LMBR1: variants seen among roughly 807,000 people sequenced by gnomAD.
The protein encoded by LMBR1 is limb development membrane protein 1.
A neutral mutation model predicts 73.9 loss-of-function variants in LMBR1; 52 were observed. The ratio of observed to expected loss-of-function variants is 0.70; its 90% confidence interval spans 0.56 to 0.89. The LOEUF (loss-of-function observed/expected upper bound fraction) is 0.89. Ranked by LOEUF, LMBR1 falls within the 40% of genes least tolerant of loss-of-function variation. The pLI, the probability that LMBR1 is intolerant of heterozygous loss-of-function variation, is 0.00. For missense variants in LMBR1, 539 were observed against 579.8 expected (o/e 0.93, Z 0.72); for synonymous variants, 215 against 209.4 (o/e 1.03, Z -0.23).
At chr7:156,857,395 T>C (rs1013101798) in intron 1 of LMBR1, among the ~76,000 whole-genome samples, 1 of 152,114 alleles carries the variant, frequency 6.6e-6, no homozygotes, top group Non-Finnish European at 1.5e-5. Flanking sequence ...AGAACAGCAA[T>C]ACATAGTAAT....
chr7:156,754,417 T>G (rs1391431954), intron 9 of LMBR1, among the ~76,000 whole-genome samples: 1 of 152,162 alleles, frequency 6.6e-6, no homozygotes, highest in Non-Finnish European at 1.5e-5. Context: ...GCTGTCATGT[T>G]TTTTTGCATT....
At chr7:156,882,012 A>G (rs1389599529) in intron 1 of LMBR1, among the ~76,000 whole-genome samples, 1 of 152,236 alleles carries the variant, frequency 6.6e-6, no homozygotes, top group African/African-American at 2.4e-5. Context: ...TCTCAAAGAG[A>G]TATTAGCACT....
chr7:156,856,287 T>C (rs1461857739), intron 1 of LMBR1, among the ~76,000 whole-genome samples: 2 of 152,206 alleles, frequency 1.3e-5, no homozygotes, highest in Non-Finnish European at 2.9e-5. Flanking sequence ...TTGTTGCCAA[T>C]AGACTTAATT....
chr7:156,757,468 T>C (rs1563289482), intron 8 of LMBR1, among the ~76,000 whole-genome samples: 2 of 152,158 alleles, frequency 1.3e-5, no homozygotes, highest in Admixed American at 1.3e-4. Context: ...TACTAATAAT[T>C]TACCAATTGT....
chr7:156,776,618 C>G (rs754032922), intron 5 of LMBR1, among the ~76,000 whole-genome samples: 2 of 152,144 alleles, frequency 1.3e-5, no homozygotes, highest in Non-Finnish European at 2.9e-5. Flanking sequence ...ATCCTCAGAA[C>G]CTTCACTCCC....
chr7:156,739,814 A>G (rs985573746), intron 9 of LMBR1, among the ~76,000 whole-genome samples: 3 of 152,136 alleles, frequency 2.0e-5, no homozygotes, highest in African/African-American at 7.2e-5. Context: ...ACTACAATAA[A>G]TACTTAACTC....
intron 4 of LMBR1, among the ~76,000 whole-genome samples, chr7:156,820,755 G>A (rs757810120): frequency 6.8e-4 from 103 of 152,282 alleles, no homozygotes; most frequent in South Asian, 2.3e-3. Flanking sequence ...GGTTTACTGA[G>A]CGGCCTGAAA....
intron 9 of LMBR1, among the ~76,000 whole-genome samples, chr7:156,743,968 G>C (rs555613243): frequency 1.3e-5 from 2 of 152,262 alleles, no homozygotes; most frequent in African/African-American, 4.8e-5. Context: ...TTTCAATATG[G>C]AAGTTAGAAT....
At chr7:156,756,946 A>T (rs548571645) in intron 8 of LMBR1, among the ~76,000 whole-genome samples, 2 of 152,110 alleles carry the variant, frequency 1.3e-5, no homozygotes, top group African/African-American at 4.8e-5. Context: ...CCTCCCTAGT[A>T]GCTGGAACTA....
At chr7:156,768,210 C>T (rs541118346) in intron 5 of LMBR1, among the ~76,000 whole-genome samples, 1 of 151,978 alleles carries the variant, frequency 6.6e-6, no homozygotes, top group South Asian at 2.1e-4. Context: ...AAGCCCGTCT[C>T]TACTAAAAAC....
chr7:156,810,581 TG>T (rs1475436557), intron 4 of LMBR1, among the ~76,000 whole-genome samples: 1 of 149,070 alleles, frequency 6.7e-6, no homozygotes, highest in African/African-American at 2.5e-5. Context: ...TTAGTAAAAA[TG>T]GTGTTTCATC....
chr7:156,803,450 A>T (rs549278455), intron 4 of LMBR1, among the ~76,000 whole-genome samples: 84 of 152,286 alleles, frequency 5.5e-4, no homozygotes, highest in African/African-American at 1.9e-3. Context: ...AACCACAATG[A>T]GACACCATCT....
At chr7:156,889,652 G>A (rs150025942) in intron 1 of LMBR1, among the ~76,000 whole-genome samples, 8 of 152,210 alleles carry the variant, frequency 5.3e-5, no homozygotes, top group Non-Finnish European at 8.8e-5. Context: ...CTCCATAATC[G>A]GTACCAAAAC....
intron 1 of LMBR1, among the ~76,000 whole-genome samples, chr7:156,852,697 G>A (rs1397305848): frequency 5.3e-5 from 8 of 152,132 alleles, no homozygotes; most frequent in African/African-American, 1.9e-4. Context: ...CAATGTCTGG[G>A]GACAGTTTAG....
chr7:156,750,445 AT>A (rs1563273594), intron 9 of LMBR1, among the ~76,000 whole-genome samples: 1 of 152,140 alleles, frequency 6.6e-6, no homozygotes, highest in African/African-American at 2.4e-5. Context: ...TTCCATGGCC[AT>A]AACAGTAAGG....
At chr7:156,748,094 C>G (rs1036708526) in intron 9 of LMBR1, 1 of 152,180 alleles carries the variant, frequency 6.6e-6, no homozygotes, top group African/African-American at 2.4e-5. Context: ...TATGTCTATT[C>G]CACTTGCAAT....
intron 1 of LMBR1, among the ~76,000 whole-genome samples, chr7:156,864,628 T>C (rs1344104352): frequency 2.0e-5 from 3 of 152,196 alleles, no homozygotes; most frequent in Admixed American, 6.5e-5. Context: ...AACTCCTAAT[T>C]TGTGCTCTAG....
At chr7:156,710,653 T>C (rs1281831807) in intron 15 of LMBR1, among the ~76,000 whole-genome samples, 1 of 152,164 alleles carries the variant, frequency 6.6e-6, no homozygotes, top group Non-Finnish European at 1.5e-5. Context: ...AATGTCCAAA[T>C]ACAAAAAGCT....
intron 1 of LMBR1, among the ~76,000 whole-genome samples, chr7:156,879,812 A>C (rs1186589436): frequency 1.3e-5 from 2 of 152,180 alleles, no homozygotes; most frequent in Non-Finnish European, 2.9e-5. Flanking sequence ...ATACCACCTT[A>C]CTCCTGCAAG....
Sources: allele counts gnomAD v4.1 joint callset (sites outside exome capture counted in the v4.1 genomes callset), GRCh38; gene constraint gnomAD v4.1.1; transcripts MANE v1.5; gene names NCBI Gene and HGNC (gene_info 2026-07-23, HGNC 2026-07-21).